The following SZT2 variants were observed in gnomAD, a reference collection of about 807,000 sequenced individuals.
The protein encoded by SZT2 is KICSTOR complex protein SZT2.
In SZT2, 216 loss-of-function variants were observed where a neutral mutation model predicts 404.2. That is an observed-to-expected ratio of 0.53 (90% CI 0.48 to 0.60). SZT2 has a LOEUF of 0.60. Ranked by LOEUF, SZT2 falls within the 20% of genes least tolerant of loss-of-function variation. The pLI, the probability that SZT2 is intolerant of heterozygous loss-of-function variation, is 0.00. For synonymous variants in SZT2, 1,693 were observed against 1,749.9 expected, an observed-to-expected ratio of 0.97 and a Z score of 0.81; for missense variants, 3,857 against 4,459.2, an observed-to-expected ratio of 0.86 and a Z score of 3.85.
At chr1:43,446,513 A>G in intron 65 of SZT2, 97 bp downstream of exon 65, 1 of 1,469,974 alleles carries the variant, frequency 6.8e-7, no homozygotes, top group Non-Finnish European at 9.4e-7. Context: ...GTAATGCAGT[A>G]GGCGGGCTGG....
At chr1:43,446,053 C>G in intron 63 of SZT2, 69 bp downstream of exon 63, 1 of 1,589,550 alleles carries the variant, frequency 6.3e-7, no homozygotes, top group Non-Finnish European at 8.6e-7. Flanking sequence ...GTCATTGACC[C>G]TGAGTGATGT....
Position 43,429,757 on chromosome 1 carries a change from C to T in SZT2, c.4221C>T (p.Gly1407=), listed in dbSNP as rs774448143. The change falls in exon 29 of 72, where the codon GGC becomes GGT. Residue 1407 remains glycine, a synonymous_variant. Transcript: ENST00000634258. ...EPEFQSTRVP[G]IPDPGPEISL... is the part of the protein sequence containing the mutation. ...AGTTTCAGAGCACCCGTGTCCCTGGCATTCCAGACCCTGGGCCAGAGATCT... is the reference window on the plus strand; with the variant it reads ...AGTTTCAGAGCACCCGTGTCCCTGGTATTCCAGACCCTGGGCCAGAGATCT... The T allele has an allele frequency of 1.2e-5, 20 of 1,614,086 alleles. No individual in the cohort carries two copies. The highest frequency in any genetic ancestry group is 1.5e-5 in the Non-Finnish European group (18 of 1,180,048).
chr1:43,416,823 C>CT (rs1201575571), intron 7 of SZT2, among the ~76,000 whole-genome samples, 182 bp downstream of exon 7: 1 of 152,132 alleles, frequency 6.6e-6, no homozygotes, highest in Non-Finnish European at 1.5e-5. Context: ...TTTTTTTCCT[C>CT]TTTCCTTAGG....
chr1:43,427,099 A>G lies in SZT2; in HGVS notation c.3353A>G (p.Gln1118Arg). The change falls in exon 24 of 72, where the codon CAG (glutamine) becomes CGG (arginine). Residue 1118 changes from glutamine to arginine, a missense_variant. Transcript: ENST00000634258. Reference protein sequence around the residue: ...PETLKPLISAQPPQWRCYARL... With the variant: ...PETLKPLISARPPQWRCYARL... ...ACTCTCAAGCCTCTCATCTCTGCCC[A>G]GCCCCCTCAGTGGCGCTGCTATGCA... is the stretch of plus-strand genomic sequence containing the variant. 1 of 1,614,220 alleles carries G rather than the reference A, an allele frequency of 6.2e-7. No individual in the cohort carries two copies. Among genetic ancestry groups the G allele is most frequent in the Non-Finnish European group, 8.5e-7 (1 of 1,180,044 alleles).
rs765264043 is a variant in SZT2 at position 43,441,494 on chromosome 1, C to A, written c.7512-10C>A. On this transcript the variant is annotated splice_polypyrimidine_tract_variant and intron_variant, in intron 53 of 71. Transcript: ENST00000634258. The surrounding 1 kb of genome is among the most constrained non-coding windows in gnomAD (Gnocchi z 4.8). ...TATGGACATGAGGCTCTTACTCCCA[C>A]TGTCTTCAGGCGCCGGACAACACAG... The A allele has an allele frequency of 1.2e-6, 2 of 1,612,434 alleles. No individual in the cohort carries two copies. Among genetic ancestry groups the A allele is most frequent in the African/African-American group, 1.3e-5 (1 of 74,902 alleles).
intron 4 of SZT2, chr1:43,412,500 G>C (rs988993047): frequency 2.0e-5 from 3 of 151,818 alleles, no homozygotes; most frequent in Admixed American, 6.6e-5. Context: ...CTACCAAGCT[G>C]GTCTCTAACT....
intron 7 of SZT2, among the ~76,000 whole-genome samples, chr1:43,418,756 G>A (rs1651988746): frequency 6.6e-6 from 1 of 152,202 alleles, no homozygotes; most frequent in Admixed American, 6.5e-5. Flanking sequence ...TCCAAGCTGG[G>A]TCGAGAAAGG....
Position 43,448,088 on chromosome 1 carries a change from C to T in SZT2, c.9573C>T (p.Phe3191=). 1 of 1,596,388 alleles carries T rather than the reference C, an allele frequency of 6.3e-7. No homozygotes were observed. The highest frequency in any genetic ancestry group is 1.1e-5 in the South Asian group (1 of 88,978). ...EAERHVLRLQ[F]FVVLTSQREL... ...CTGCTCCCCACCCCAGGCTACAGTTCTTCGTGGTGCTCACCAGCCAGCGAG... is the reference window on the plus strand; with the variant it reads ...CTGCTCCCCACCCCAGGCTACAGTTTTTCGTGGTGCTCACCAGCCAGCGAG... Residue 3191 remains phenylalanine, a synonymous_variant, in exon 69 of 72, where the codon TTC becomes TTT. Transcript: ENST00000634258. The surrounding 1 kb of genome is among the most constrained non-coding windows in gnomAD (Gnocchi z 4.2).
intron 4 of SZT2, chr1:43,409,545 A>G (rs1281875284): frequency 2.9e-6 from 1 of 349,294 alleles, no homozygotes; most frequent in Non-Finnish European, 5.6e-6. Context: ...AAAAACTATT[A>G]GAACTGATAA....
At chr1:43,403,844 G>A (rs2153929708) in intron 3 of SZT2, 70 bp downstream of exon 3, 3 of 1,551,582 alleles carry the variant, frequency 1.9e-6, no homozygotes, top group Non-Finnish European at 2.7e-6. Flanking sequence ...GAGGCCTGTG[G>A]GGAAGTGAAA....
In SZT2 at chr1:43,441,305, A is replaced by C. The variant is rs1392048890; in HGVS notation, c.7436A>C (p.His2479Pro). Residue 2479 changes from histidine (H) to proline (P), a missense_variant, in exon 53 of 72, where the codon CAC becomes CCC. His to Pro is a moderately conservative substitution (Grantham distance 77). Coordinates refer to ENST00000634258, the MANE Select transcript of SZT2 (RefSeq NM_001365999.1). This position sits in a 1 kb window ranked among gnomAD's most constrained non-coding sequence, Gnocchi z 4.8. ...RPEDTRGRRR[H>P]KTESVRTPGG... ...GAAGACACTCGGGGCCGGAGGCGTC[A>C]CAAAACCGAGAGTGTTCGGACTCCT... 6.2e-7 allele frequency: 1 copy of C among 1,614,248 alleles called. No individual in the cohort carries two copies. Among genetic ancestry groups the C allele is most frequent in the South Asian group, 1.1e-5 (1 of 91,086 alleles).
rs1655792147 is a variant in SZT2 at position 43,447,295 on chromosome 1, TACC to T, written c.9286+130_9286+132del. The T allele has an allele frequency of 1.5e-5, 18 of 1,166,902 alleles. No individual in the cohort carries two copies. In the Admixed American group the frequency reaches 4.0e-4, roughly 26 times the overall value. The allele number at this position is 1,166,902 out of a possible 1,614,324, so 72.3% of individuals were successfully genotyped here. ...GTTGTTAATCATCTCATGTCACACA[TACC>T]ACGTCCCCATGTTTCTGTCCTGTGT... On this transcript the variant is annotated intron_variant, in intron 66 of 71. Transcript: ENST00000634258.
chr1:43,425,204 A>T lies in SZT2; in HGVS notation c.2642A>T (p.Asp881Val). Residue 881 changes from aspartate (D) to valine (V), a missense_variant, in exon 18 of 72, where the codon GAC becomes GTC. This residue lies in a region of SZT2 where 1,725 missense variants were observed against 1,881.0 expected (regional missense o/e 0.92). Coordinates refer to ENST00000634258, the MANE Select transcript of SZT2 (RefSeq NM_001365999.1). The surrounding 1 kb of genome is among the most constrained non-coding windows in gnomAD (Gnocchi z 4.3). Reference protein sequence around the residue: ...LFPPHSTSTKDSFSTDDDNDV... With the variant: ...LFPPHSTSTKVSFSTDDDNDV... ...CCCCCACACTCTACCTCCACCAAAGACAGGTGAGACAGGCCATCTGTGAGG... is the reference window on the plus strand; with the variant it reads ...CCCCCACACTCTACCTCCACCAAAGTCAGGTGAGACAGGCCATCTGTGAGG... 1 of 1,614,124 alleles carries T rather than the reference A, an allele frequency of 6.2e-7. No individual in the cohort carries two copies. The highest frequency in any genetic ancestry group is 8.5e-7 in the Non-Finnish European group (1 of 1,179,994).
chr1:43,400,883 AAAG>A (rs376209860), intron 1 of SZT2, among the ~76,000 whole-genome samples: 1 of 152,182 alleles, frequency 6.6e-6, no homozygotes, highest in African/African-American at 2.4e-5. Flanking sequence ...AAAAAAAAAA[AAAG>A]AACCTAGTAT....
At chr1:43,423,002 C>G (rs1387079703) in intron 14 of SZT2, 97 bp from the exon 15 acceptor site, 2 of 1,501,850 alleles carry the variant, frequency 1.3e-6, no homozygotes, top group Non-Finnish European at 1.8e-6. Flanking sequence ...CAAGGAAGAC[C>G]TGGAGAAGAG....
rs753247132 is a variant in SZT2 at position 43,431,411 on chromosome 1, T to C, written c.5024+39T>C. On this transcript the variant is annotated intron_variant, in intron 34 of 71. Transcript: ENST00000634258. ...TCCCTGTCAGAGTTCATTACTGCTT[T>C]TCAATTTCATTTTCTGGAAACCAAT... The C allele has an allele frequency of 3.7e-6, 6 of 1,613,824 alleles. No individual in the cohort carries two copies. In the South Asian group the frequency reaches 6.6e-5, roughly 18 times the overall value.
chr1:43,447,178 C>T lies in SZT2; in HGVS notation c.9286+10C>T. Reference sequence around the variant, plus strand: ...AATCACATTTACCAAGGTCAGTGCCCAAGGGCAAGCCAGTGAACCCAAAAA... The same window carrying T: ...AATCACATTTACCAAGGTCAGTGCCTAAGGGCAAGCCAGTGAACCCAAAAA... On this transcript the variant is annotated intron_variant, in intron 66 of 71. Coordinates refer to ENST00000634258, the MANE Select transcript of SZT2 (RefSeq NM_001365999.1). 6.2e-7 allele frequency: 1 copy of T among 1,604,834 alleles called. No individual in the cohort carries two copies. The highest frequency in any genetic ancestry group is 8.5e-7 in the Non-Finnish European group (1 of 1,177,100).
rs371332844 is a variant in SZT2, at chr1:43,432,500, G to C, written c.5443-17G>C. 2 of 1,593,692 alleles carry C rather than the reference G, an allele frequency of 1.3e-6. No homozygotes were observed. The highest frequency in any genetic ancestry group is 8.5e-7 in the Non-Finnish European group (1 of 1,171,092). On this transcript the variant is annotated splice_polypyrimidine_tract_variant and intron_variant, in intron 37 of 71. Coordinates refer to ENST00000634258, the MANE Select transcript of SZT2 (RefSeq NM_001365999.1). ...TGTGTGGGGCCTATACCTCAGTCCT[G>C]ACTTCCTATTCCTCAGACCCTGACA...
chr1:43,432,978 A>ATC lies in SZT2; in HGVS notation c.5603-9_5603-8dup, dbSNP rs1557573976. ...TTCGGATGGGATTGACCTTCAATGC[A>ATC]TCTGACACAGGTTATGATGGTGGCA... is the stretch of plus-strand genomic sequence containing the variant. On this transcript the variant is annotated splice_polypyrimidine_tract_variant and intron_variant, in intron 39 of 71. Transcript: ENST00000634258. The ATC allele has an allele frequency of 3.7e-6, 6 of 1,613,922 alleles. No individual in the cohort carries two copies. Among genetic ancestry groups the ATC allele is most frequent in the Non-Finnish European group, 5.1e-6 (6 of 1,179,986 alleles).
Sources: allele counts gnomAD v4.1 joint callset (sites outside exome capture counted in the v4.1 genomes callset), GRCh38; gene constraint gnomAD v4.1.1; regional missense constraint gnomAD v4.1.1; non-coding constraint Gnocchi (gnomAD v3.1); transcripts MANE v1.5; gene names NCBI Gene and HGNC (gene_info 2026-07-23, HGNC 2026-07-21).